The following ZC3H13 variants were observed in gnomAD, a reference collection of about 807,000 sequenced individuals.
The protein encoded by ZC3H13 is zinc finger CCCH domain-containing protein 13.
In ZC3H13, 64 loss-of-function variants were observed where a neutral mutation model predicts 204.1. The ratio of observed to expected loss-of-function variants is 0.31; its 90% CI spans 0.26 to 0.39. ZC3H13 has a LOEUF of 0.39. Among genes scored for constraint, ZC3H13 ranks in the 10% least tolerant of loss-of-function variants. The pLI is 1.00. For missense variants in ZC3H13, 1,833 were observed against 2,082.7 expected, an observed-to-expected ratio of 0.88 and a Z score of 2.33; for synonymous variants, 667 against 693.7, an observed-to-expected ratio of 0.96 and a Z score of 0.60.
At chr13:46,043,016 A>AGAAATTT (rs2043694104) in intron 3 of ZC3H13, among the ~76,000 whole-genome samples, 3 of 152,028 alleles carry the variant, frequency 2.0e-5, no homozygotes, top group African/African-American at 7.2e-5. Flanking sequence ...GAAATTTGAC[A>AGAAATTT]GTATATGGCT....
chr13:46,021,098 T>G (rs1204664497), intron 4 of ZC3H13, among the ~76,000 whole-genome samples: 1 of 152,018 alleles, frequency 6.6e-6, no homozygotes, highest in Non-Finnish European at 1.5e-5. Flanking sequence ...ATTGTCATTT[T>G]CCTAGACACC....
intron 4 of ZC3H13, among the ~76,000 whole-genome samples, chr13:46,036,470 G>A (rs986635296): frequency 2.6e-5 from 4 of 152,044 alleles, no homozygotes; most frequent in African/African-American, 9.7e-5. Flanking sequence ...TTAGGTTGGG[G>A]TGGGGTAGGA....
At chr13:45,996,816 CTG>C (rs1440389899) in intron 8 of ZC3H13, among the ~76,000 whole-genome samples, 1 of 146,158 alleles carries the variant, frequency 6.8e-6, no homozygotes, top group Non-Finnish European at 1.5e-5. Flanking sequence ...AGAAGAAAAA[CTG>C]TATGCTGAGG....
intron 17 of ZC3H13, among the ~76,000 whole-genome samples, chr13:45,961,408 A>G (rs1363875580): frequency 2.0e-5 from 3 of 151,952 alleles, no homozygotes; most frequent in Non-Finnish European, 4.4e-5. Flanking sequence ...CTAAATTTCC[A>G]GTCTCTTTAA....
At chr13:46,047,023 CT>C (rs1167012809) in intron 1 of ZC3H13, among the ~76,000 whole-genome samples, 8 of 152,072 alleles carry the variant, frequency 5.3e-5, no homozygotes, top group Non-Finnish European at 1.2e-4. Flanking sequence ...TTCATTTAGT[CT>C]CTATAAAGAT....
intron 5 of ZC3H13, among the ~76,000 whole-genome samples, chr13:46,018,067 G>A (rs2042015763): frequency 6.6e-6 from 1 of 152,076 alleles, no homozygotes; most frequent in South Asian, 2.1e-4. Flanking sequence ...CAGAATACAA[G>A]GAGCCTCCGT....
At chr13:46,028,950 A>G (rs2042708038) in intron 4 of ZC3H13, among the ~76,000 whole-genome samples, 1 of 152,140 alleles carries the variant, frequency 6.6e-6, no homozygotes, top group African/African-American at 2.4e-5. Context: ...TAAGAATTAG[A>G]ATGAAAAAAG....
At chr13:46,032,992 T>C (rs1010327581) in intron 4 of ZC3H13, among the ~76,000 whole-genome samples, 2 of 151,924 alleles carry the variant, frequency 1.3e-5, no homozygotes, top group African/African-American at 4.8e-5. Flanking sequence ...ATATTAAATA[T>C]ATATATGTGT....
chr13:46,052,327 G>GC, intron 1 of ZC3H13, 77 bp downstream of exon 1: 3 of 390,386 alleles, frequency 7.7e-6, no homozygotes, highest in East Asian at 3.6e-5. Context: ...AGACGGGGGG[G>GC]GGTAACCCGG....
chr13:45,988,896 G>C lies in ZC3H13; in HGVS notation c.1146C>G (p.Pro382=). 1 of 1,614,112 alleles carries C rather than the reference G, an allele frequency of 6.2e-7. No homozygotes were observed. The highest frequency in any genetic ancestry group is 8.5e-7 in the Non-Finnish European group (1 of 1,180,034). The change falls in exon 9 of 19, where the codon CCC becomes CCG. Residue 382 remains proline (P), a synonymous_variant. Coordinates refer to ENST00000679008, the MANE Select transcript of ZC3H13 (RefSeq NM_001330564.2). ...SPYPSHSLSS[P]QRKQSPPRHR... ...GTCTTGGAGGACTCTGCTTTCTCTG[G>C]GGAGACGACAAAGAATGTGAAGGAT...
At chr13:46,020,655 T>C in intron 4 of ZC3H13, 98 bp from the exon 5 acceptor site, 1 of 790,834 alleles carries the variant, frequency 1.3e-6, no homozygotes, top group Non-Finnish European at 1.9e-6. Flanking sequence ...TTCATCTCTG[T>C]TTCATCAAAG....
chr13:46,009,192 G>A (rs537430333), intron 7 of ZC3H13, among the ~76,000 whole-genome samples: 6 of 152,208 alleles, frequency 3.9e-5, no homozygotes, highest in Non-Finnish European at 5.9e-5. Flanking sequence ...TGAGATAGAA[G>A]GGGGTAGATA....
intron 8 of ZC3H13, among the ~76,000 whole-genome samples, chr13:45,999,598 T>G (rs188213217): frequency 6.6e-6 from 1 of 152,384 alleles, no homozygotes; most frequent in East Asian, 1.9e-4. Flanking sequence ...TTGCAGTTAC[T>G]TCTTTCAATA....
intron 7 of ZC3H13, among the ~76,000 whole-genome samples, chr13:46,004,888 C>T (rs2041020647): frequency 6.6e-6 from 1 of 152,100 alleles, no homozygotes; most frequent in Non-Finnish European, 1.5e-5. Context: ...TTAAGTGCCT[C>T]TTTTTGGCAA....
At chr13:45,981,735 G>A (rs1212106766) in intron 10 of ZC3H13, among the ~76,000 whole-genome samples, 1 of 152,156 alleles carries the variant, frequency 6.6e-6, no homozygotes, top group East Asian at 1.9e-4. Context: ...CTGATGGCCA[G>A]TGATGCATCA....
intron 7 of ZC3H13, among the ~76,000 whole-genome samples, chr13:46,004,906 A>G (rs1343598659): frequency 6.6e-6 from 1 of 152,192 alleles, no homozygotes; most frequent in Non-Finnish European, 1.5e-5. Flanking sequence ...CAATTTAAGT[A>G]ATTTTAAGTA....
At chr13:45,970,538 T>A in intron 12 of ZC3H13, 73 bp from the exon 13 acceptor site, 2 of 1,260,958 alleles carry the variant, frequency 1.6e-6, no homozygotes, top group Non-Finnish European at 2.3e-6. Context: ...TTTTTACTAG[T>A]ATCTCTTTAC....
chr13:45,989,728 T>C (rs2039832231), intron 8 of ZC3H13, among the ~76,000 whole-genome samples: 1 of 152,140 alleles, frequency 6.6e-6, no homozygotes, highest in African/African-American at 2.4e-5. Context: ...GCCTCCCCTA[T>C]TCCCTTCAAA....
intron 17 of ZC3H13, chr13:45,963,481 G>A (rs1951838181): frequency 1.3e-5 from 13 of 1,026,522 alleles, no homozygotes; most frequent in Middle Eastern, 4.8e-4. Context: ...GAGTGTGGTG[G>A]CTCAATCATG....
Sources: gnomAD v4.1 joint callset for allele counts (sites outside exome capture counted in the v4.1 genomes callset) on GRCh38, gnomAD v4.1.1 for gene constraint, MANE v1.5 for transcripts, NCBI Gene and HGNC (gene_info 2026-07-23, HGNC 2026-07-21) for gene names.